The following ADAMTS18 variants were observed in gnomAD, a reference collection of about 807,000 sequenced individuals.
ADAMTS18 encodes ADAM metallopeptidase with thrombospondin type 1 motif 18, also known as A disintegrin and metalloproteinase with thrombospondin motifs 18.
In ADAMTS18, 157 loss-of-function variants were observed where a neutral mutation model predicts 165.9. The ratio of observed to expected loss-of-function variants is 0.95; its 90% confidence interval spans 0.83 to 1.08. The LOEUF (loss-of-function observed/expected upper bound fraction) is 1.08. ADAMTS18 is among the 50% of genes least tolerant of loss of function. The pLI is 0.00. For missense variants in ADAMTS18, 2,040 were observed against 1,534.0 expected (o/e 1.33, Z -5.51); for synonymous variants, 782 against 578.2 (o/e 1.35, Z -5.06).
chr16:77,394,940 G>A (rs1176084073), intron 3 of ADAMTS18, among the ~76,000 whole-genome samples: 1 of 152,144 alleles, frequency 6.6e-6, no homozygotes, highest in Admixed American at 6.5e-5. Flanking sequence ...TAAGTTACAA[G>A]TCCATGTTCC....
At chr16:77,286,517 G>GTAAGCATTATTTCCCAGTTTT (rs1400384217) in intron 22 of ADAMTS18, among the ~76,000 whole-genome samples, 6 of 152,282 alleles carry the variant, frequency 3.9e-5, no homozygotes, top group African/African-American at 7.2e-5. Flanking sequence ...GTCTTTCGAA[G>GTAAGCATTATTTCCCAGTTTT]TAAGCATTAT....
At chr16:77,323,577 GCA>G (rs2056042127) in intron 13 of ADAMTS18, among the ~76,000 whole-genome samples, 3 of 146,780 alleles carry the variant, frequency 2.0e-5, no homozygotes, top group Admixed American at 1.4e-4. Flanking sequence ...TTTTTTAAAA[GCA>G]CAGATTCCTG....
Position 77,341,806 on chromosome 16 carries a change from T to TA in ADAMTS18, c.1615-8dup, listed in dbSNP as rs113693298. ...AAAGTGATTTGCAAATATCCTGAAA[T>TA]AAAAAAAAAGGGGGGTGCTGTTAAT... On this transcript the variant is annotated splice_polypyrimidine_tract_variant and splice_region_variant and intron_variant, in intron 10 of 22. Transcript: ENST00000282849. 568 of 1,573,138 alleles carry TA rather than the reference T, an allele frequency of 3.6e-4. No homozygotes were observed. The highest frequency in any genetic ancestry group is 4.8e-4 in the South Asian group (42 of 87,828).
At chr16:77,429,676 C>G (rs982409175) in intron 3 of ADAMTS18, among the ~76,000 whole-genome samples, 1 of 152,068 alleles carries the variant, frequency 6.6e-6, no homozygotes, top group African/African-American at 2.4e-5. Context: ...TAATATTAAT[C>G]TATTACTATG....
chr16:77,400,232 T>C (rs1467819858), intron 3 of ADAMTS18, among the ~76,000 whole-genome samples: 1 of 152,142 alleles, frequency 6.6e-6, no homozygotes, highest in Non-Finnish European at 1.5e-5. Context: ...AAGCTCAGCC[T>C]TGCCTCCAGC....
chr16:77,333,051 T>C (rs2056215953), intron 12 of ADAMTS18, among the ~76,000 whole-genome samples: 1 of 152,204 alleles, frequency 6.6e-6, no homozygotes, highest in Admixed American at 6.6e-5. Flanking sequence ...TTTTCTGTTC[T>C]ACGATAGCAC....
chr16:77,406,951 G>A (rs918528623), intron 3 of ADAMTS18, among the ~76,000 whole-genome samples: 1 of 151,990 alleles, frequency 6.6e-6, no homozygotes, highest in Non-Finnish European at 1.5e-5. Context: ...GGGAGAGGAA[G>A]GGAGAAGAGA....
rs1179210744 is a variant in ADAMTS18 at position 77,289,251 on chromosome 16, G to A, written c.3550+13C>T. 2 of 1,613,904 alleles carry A rather than the reference G, an allele frequency of 1.2e-6. No individual in the cohort carries two copies. The highest frequency in any genetic ancestry group is 1.7e-6 in the Non-Finnish European group (2 of 1,179,914). On this transcript the variant is annotated intron_variant, in intron 22 of 22. Transcript: ENST00000282849. ...AGACTAGTAAAGTTGACTGGAGCAT[G>A]GTGCCTTTTTACCTCTCTTTTCAGG... is the stretch of plus-strand genomic sequence containing the variant.
intron 12 of ADAMTS18, among the ~76,000 whole-genome samples, chr16:77,329,955 A>G (rs115137144): frequency 0.011 from 1,641 of 152,328 alleles, 29 homozygotes; most frequent in African/African-American, 0.037. Flanking sequence ...ACAAATAGTT[A>G]CAATGGTGTT....
chr16:77,424,956 T>G (rs2057653079), intron 3 of ADAMTS18, among the ~76,000 whole-genome samples: 1 of 152,212 alleles, frequency 6.6e-6, no homozygotes. Context: ...TCATTCAACT[T>G]CAGCCCTTTT....
At chr16:77,304,642 G>A (rs528961635) in intron 16 of ADAMTS18, among the ~76,000 whole-genome samples, 3 of 152,244 alleles carry the variant, frequency 2.0e-5, no homozygotes, top group East Asian at 3.9e-4. Flanking sequence ...ATATTAAACA[G>A]CAGTAAGGGA....
In ADAMTS18 at chr16:77,297,301, G is replaced by A. The variant is rs1249046298; in HGVS notation, c.2789C>T (p.Ser930Phe). The A allele has an allele frequency of 6.8e-6, 11 of 1,614,190 alleles. No individual in the cohort carries two copies. Among genetic ancestry groups the A allele is most frequent in the East Asian group, 6.7e-5 (3 of 44,880 alleles). The change falls in exon 18 of 23, where the codon TCC becomes TTC. Residue 930 changes from serine to phenylalanine, a missense_variant. Transcript: ENST00000282849. ...CCAAATGACTTACTAAGCCGGGCAG[G>A]AGAAAGCGTTGCAGATTTTGGGCTC... ...VTEPKICNAF[S>F]CPAYWMPGEW...
At chr16:77,428,451 C>T (rs887634077) in intron 3 of ADAMTS18, among the ~76,000 whole-genome samples, 16 of 152,228 alleles carry the variant, frequency 1.1e-4, no homozygotes, top group African/African-American at 3.9e-4. Context: ...CAGAACAATG[C>T]AAACTACACC....
At position 77,326,020 on chromosome 16, in the gene ADAMTS18, T is replaced by C; in HGVS notation, c.1878A>G (p.Leu626=). The part of the protein sequence containing the change: ...CNNPKPQYGG[L]FCPGSSRIYQ... ...AAATACGGCTAGAACCTGGACAGAA[T>C]AAGCCACCATACTGAGGCCTGAAAA... The change falls in exon 13 of 23, where the codon TTA becomes TTG. Residue 626 remains leucine, a synonymous_variant. Coordinates refer to ENST00000282849, the MANE Select transcript of ADAMTS18 (RefSeq NM_199355.4). 4 of 1,614,032 alleles carry C rather than the reference T, an allele frequency of 2.5e-6. No individual in the cohort carries two copies. The highest frequency in any genetic ancestry group is 3.4e-6 in the Non-Finnish European group (4 of 1,179,928).
Position 77,364,353 on chromosome 16 carries a change from G to C in ADAMTS18, c.807C>G (p.Thr269=), listed in dbSNP as rs1270346817. 5.6e-6 allele frequency: 9 copies of C among 1,613,702 alleles called. No individual in the cohort carries two copies. The highest frequency in any genetic ancestry group is 7.6e-6 in the Non-Finnish European group (9 of 1,180,004). The change falls in exon 5 of 23, where the codon ACC becomes ACG. Residue 269 remains threonine (T), a synonymous_variant. Coordinates refer to ENST00000282849, the MANE Select transcript of ADAMTS18 (RefSeq NM_199355.4). ...TCCCATATTCATCAAACCTTAGATA[G>C]GTGTCCTCTGTGGGAGGCTTGGGAG... ...KYAPKPPTED[T]YLRFDEYGSS... is the part of the protein sequence containing the mutation.
chr16:77,383,619 C>T (rs968116923), intron 3 of ADAMTS18, among the ~76,000 whole-genome samples: 2 of 152,088 alleles, frequency 1.3e-5, no homozygotes, highest in South Asian at 4.2e-4. Context: ...TCTCAGCTCA[C>T]TGCAACCTCC....
chr16:77,338,028 C>CA (rs1458585722), intron 11 of ADAMTS18, among the ~76,000 whole-genome samples: 1 of 151,758 alleles, frequency 6.6e-6, no homozygotes, highest in Admixed American at 6.6e-5. Context: ...CTCAGCCTTC[C>CA]AAGTAGCTGG....
rs755203056 is a variant in ADAMTS18 at position 77,353,807 on chromosome 16, T to A, written c.1540A>T (p.Ile514Phe). The change falls in exon 10 of 23, where the codon ATT becomes TTT. Residue 514 changes from isoleucine to phenylalanine, a missense_variant. Physicochemically the swap from Ile to Phe is conservative, Grantham distance 21. Transcript: ENST00000282849. ...YKYPDKLPGQ[I>F]YDADTQCKWQ... ...TTACACTGTGTGTCAGCATCATAAA[T>A]CTGTCCTGGTAGTTTGTCCGGATAT... 1.2e-6 allele frequency: 2 copies of A among 1,614,174 alleles called. No individual in the cohort carries two copies. Among genetic ancestry groups the A allele is most frequent in the Admixed American group, 1.7e-5 (1 of 60,022 alleles).
chr16:77,409,257 G>C (rs746214952), intron 3 of ADAMTS18, among the ~76,000 whole-genome samples: 5 of 152,056 alleles, frequency 3.3e-5, no homozygotes, highest in South Asian at 2.1e-4. Context: ...CTTCAAAGGA[G>C]AGAAAGCGGT....
Sources: allele counts gnomAD v4.1 joint callset (sites outside exome capture counted in the v4.1 genomes callset), GRCh38; gene constraint gnomAD v4.1.1; transcripts MANE v1.5; gene names NCBI Gene and HGNC (gene_info 2026-07-23, HGNC 2026-07-21).